RNF123: variants seen among roughly 807,000 people sequenced by gnomAD.
The protein encoded by RNF123 is E3 ubiquitin-protein ligase RNF123.
A neutral mutation model predicts 168.5 loss-of-function variants in RNF123; 86 were observed. That is an observed-to-expected ratio of 0.51 (90% CI 0.43 to 0.61). The LOEUF (loss-of-function observed/expected upper bound fraction) is 0.61, where lower values mean the gene tolerates loss of function less well. Among genes scored for constraint, RNF123 ranks in the 20% least tolerant of loss-of-function variants. RNF123 has a pLI of 0.00. For missense variants in RNF123, 1,419 were observed against 1,729.7 expected (o/e 0.82, Z 3.19); for synonymous variants, 666 against 689.1 (o/e 0.97, Z 0.52).
Position 49,721,042 on chromosome 3 carries a change from G to GCCCCATCTGCTATGCCCA in RNF123, c.3770_3787dup (p.Cys1257_Ile1262dup). 1 of 1,613,238 alleles carries GCCCCATCTGCTATGCCCA rather than the reference G, an allele frequency of 6.2e-7. No individual in the cohort carries two copies. The highest frequency in any genetic ancestry group is 8.5e-7 in the Non-Finnish European group (1 of 1,179,502). On this transcript the variant is annotated inframe_insertion, in exon 38 of 39. Coordinates refer to ENST00000327697, the MANE Select transcript of RNF123 (RefSeq NM_022064.5). ...CAGCCCACCAGTGAGGAGGACCTCT[G>GCCCCATCTGCTATGCCCA]CCCCATCTGCTATGCCCACCCCATC...
At chr3:49,709,143 T>C (rs573039504) in intron 26 of RNF123, among the ~76,000 whole-genome samples, 18 of 150,340 alleles carry the variant, frequency 1.2e-4, no homozygotes, top group African/African-American at 4.2e-4. Context: ...TTTTTTTTCT[T>C]TTTTTGAGGT....
chr3:49,705,242 C>T (rs1267572735), intron 23 of RNF123, 60 bp downstream of exon 23: 49 of 1,535,748 alleles, frequency 3.2e-5, no homozygotes, highest in Admixed American at 5.9e-5. Context: ...GTACAGTCCC[C>T]GATCCGGGCA....
At position 49,716,131 on chromosome 3, in the gene RNF123, A is replaced by G; in HGVS notation, c.3369A>G (p.Thr1123=). 6.2e-7 allele frequency: 1 copy of G among 1,613,706 alleles called. No homozygotes were observed. The highest frequency in any genetic ancestry group is 8.5e-7 in the Non-Finnish European group (1 of 1,179,944). The change falls in exon 34 of 39, where the codon ACA becomes ACG. Residue 1123 remains threonine (T), a synonymous_variant. Transcript: ENST00000327697. ...QLLNQVLNRV[T]AERNLFDRVV... is the part of the protein sequence containing the mutation. Reference sequence around the variant, plus strand: ...TAAACCAGGTGCTGAACCGGGTGACAGCTGAGAGGAACCTGTTTGATCGTG... The same window carrying G: ...TAAACCAGGTGCTGAACCGGGTGACGGCTGAGAGGAACCTGTTTGATCGTG...
rs1575526830 is a variant in RNF123, at chr3:49,702,234, G to C, written c.1557+90G>C. ...ACCCAGAGGGTGGGAACTGGGTTTGGTTCCCATGGCAGGGGCTGGGGGAAG... is the reference window on the plus strand; with the variant it reads ...ACCCAGAGGGTGGGAACTGGGTTTGCTTCCCATGGCAGGGGCTGGGGGAAG... On this transcript the variant is annotated intron_variant, in intron 18 of 38. Coordinates refer to ENST00000327697, the MANE Select transcript of RNF123 (RefSeq NM_022064.5). The C allele has an allele frequency of 3.8e-6, 6 of 1,592,756 alleles. No homozygotes were observed. The East Asian group carries it at 1.3e-4, about 36-fold the overall frequency.
At chr3:49,709,609 A>AT (rs922356963) in intron 26 of RNF123, among the ~76,000 whole-genome samples, 25 of 114,048 alleles carry the variant, frequency 2.2e-4, no homozygotes, top group Middle Eastern at 0.01. Context: ...CTAATTTTGT[A>AT]TTTTTTTTTA....
intron 15 of RNF123, 22 bp from the exon 16 acceptor site, chr3:49,701,469 G>C (rs2054382970): frequency 6.3e-7 from 1 of 1,599,526 alleles, no homozygotes; most frequent in African/African-American, 1.3e-5. Context: ...GGCAAGCAGA[G>C]CCCTGCCTTG....
In RNF123 at chr3:49,720,526, A is replaced by G. The variant is rs1344984291; in HGVS notation, c.3516A>G (p.Thr1172=). The change falls in exon 36 of 39, where the codon ACA becomes ACG. Residue 1172 remains threonine, a synonymous_variant. Coordinates refer to ENST00000327697, the MANE Select transcript of RNF123 (RefSeq NM_022064.5). ...RGPASEREQA[T]SVLLADPCFQ... ...CCCTACCTAGGAGAGAGCAAGCCACATCAGTGCTCCTGGCAGATCCCTGCT... is the reference window on the plus strand; with the variant it reads ...CCCTACCTAGGAGAGAGCAAGCCACGTCAGTGCTCCTGGCAGATCCCTGCT... 1 of 1,598,466 alleles carries G rather than the reference A, an allele frequency of 6.3e-7. No homozygotes were observed. The highest frequency in any genetic ancestry group is 2.2e-5 in the East Asian group (1 of 44,732).
At chr3:49,702,008 G>A in intron 17 of RNF123, 75 bp from the exon 18 acceptor site, 1 of 1,567,732 alleles carries the variant, frequency 6.4e-7, no homozygotes. Flanking sequence ...GGGGAACCCT[G>A]GTGGTGGAGC....
intron 1 of RNF123, 130 bp from the exon 2 acceptor site, chr3:49,691,000 C>T: frequency 1.6e-6 from 1 of 611,076 alleles, no homozygotes; most frequent in Non-Finnish European, 3.0e-6. Flanking sequence ...CCTGCATTCC[C>T]CTGCCCTATG....
In RNF123 at chr3:49,699,202, AG is replaced by A; in HGVS notation, c.764+99del. ...CCCAGGGGTGCCATGGGCTGGTGGC[AG>A]GCCCTGGCTGCTGCAGAGTTAGTGG... On this transcript the variant is annotated intron_variant, in intron 10 of 38. Coordinates refer to ENST00000327697, the MANE Select transcript of RNF123 (RefSeq NM_022064.5). This position sits in a 1 kb window ranked among gnomAD's most constrained non-coding sequence, Gnocchi z 4.8. 1.3e-6 allele frequency: 2 copies of A among 1,490,154 alleles called. No individual in the cohort carries two copies. The highest frequency in any genetic ancestry group is 1.8e-6 in the Non-Finnish European group (2 of 1,107,830). 92.3% of individuals were successfully genotyped at this position (1,490,154 alleles called of 1,614,324 possible).
intron 26 of RNF123, among the ~76,000 whole-genome samples, chr3:49,710,198 AT>A (rs1559683020): frequency 6.6e-6 from 1 of 151,960 alleles, no homozygotes; most frequent in Non-Finnish European, 1.5e-5. Context: ...GTGGTTCTGC[AT>A]TTTGCTAATG....
At chr3:49,719,049 A>C in intron 35 of RNF123, 1 of 1,613,836 alleles carries the variant, frequency 6.2e-7, no homozygotes, top group Admixed American at 1.7e-5. Context: ...TATTGAACAG[A>C]AGCAGCTTCT....
rs574177086 is a variant in RNF123, at chr3:49,701,908, A to G, written c.1493A>G (p.Glu498Gly). Residue 498 changes from glutamate (E) to glycine (G), a missense_variant and splice_region_variant, in exon 17 of 39, where the codon GAA becomes GGA. This residue lies in a region of RNF123 where 349 missense variants were observed against 344.9 expected (regional missense o/e 1.01). Transcript: ENST00000327697. ...RGCQRLRKRI[E>G]VVEELQVQIL... ...TGTCAGCGGCTCAGGAAGCGCATCG[A>G]AGGTCAGCCCGCCTTGGGCACGGGG... 1 of 1,560,440 alleles carries G rather than the reference A, an allele frequency of 6.4e-7. No individual in the cohort carries two copies. Among genetic ancestry groups the G allele is most frequent in the East Asian group, 2.4e-5 (1 of 42,496 alleles).
intron 31 of RNF123, 137 bp from the exon 32 acceptor site, chr3:49,715,435 CCTG>C: frequency 5.9e-6 from 6 of 1,020,318 alleles, no homozygotes; most frequent in Non-Finnish European, 7.1e-6. Context: ...TCCTCTGTCC[CCTG>C]CTTTCATGAC....
At chr3:49,698,388 G>T in intron 7 of RNF123, 52 bp from the exon 8 acceptor site, 5 of 1,495,594 alleles carry the variant, frequency 3.3e-6, no homozygotes, top group Non-Finnish European at 4.7e-6. Flanking sequence ...GGTGGGCTCT[G>T]GCCCAGACCC....
chr3:49,717,319 T>G (rs1042301020), intron 35 of RNF123: 17 of 157,162 alleles, frequency 1.1e-4, no homozygotes, highest in Non-Finnish European at 1.6e-4. Flanking sequence ...CACCGGACTC[T>G]GCGTGAAGTT....
At chr3:49,713,255 T>C (rs1189011694) in intron 27 of RNF123, 2 of 592,542 alleles carry the variant, frequency 3.4e-6, no homozygotes, top group African/African-American at 3.7e-5. Flanking sequence ...GCTCATCAGG[T>C]GTGTGTGCTG....
At position 49,700,143 on chromosome 3, in the gene RNF123, T is replaced by G. The variant is rs1030426557; in HGVS notation, c.985-84T>G. ...TGGCTCAAGGCTCTGTGCCTGAGGC[T>G]TGTGCCTTGGCCATGTGCCAGGGCA... On this transcript the variant is annotated intron_variant, in intron 12 of 38. Transcript: ENST00000327697. 9 of 1,575,134 alleles carry G rather than the reference T, an allele frequency of 5.7e-6. No individual in the cohort carries two copies. The Admixed American group carries it at 1.6e-4, about 28-fold the overall frequency.
chr3:49,695,358 C>T (rs891909475), intron 3 of RNF123, among the ~76,000 whole-genome samples: 4 of 152,190 alleles, frequency 2.6e-5, no homozygotes, highest in African/African-American at 9.7e-5. Context: ...CCTCAGCCTC[C>T]CAAAGTGCTG....
Sources: allele counts gnomAD v4.1 joint callset (sites outside exome capture counted in the v4.1 genomes callset), GRCh38; gene constraint gnomAD v4.1.1; regional missense constraint gnomAD v4.1.1; non-coding constraint Gnocchi (gnomAD v3.1); transcripts MANE v1.5; gene names NCBI Gene and HGNC (gene_info 2026-07-23, HGNC 2026-07-21).